The following CELF4 variants were observed in gnomAD, a reference collection of about 807,000 sequenced individuals.
CELF4 encodes the protein CUGBP Elav-like family member 4, also known as CUG-BP- and ETR-3-like factor 4.
Under a neutral mutation model 59.9 loss-of-function variants are expected in CELF4, and 18 were observed. The ratio of observed to expected loss-of-function variants is 0.30; its 90% CI spans 0.21 to 0.45. The LOEUF is 0.45. Ranked by LOEUF, CELF4 falls within the 20% of genes least tolerant of loss-of-function variation. The pLI, the probability that CELF4 is intolerant of heterozygous loss-of-function variation, is 1.00. For synonymous variants in CELF4, 261 were observed against 267.1 expected (o/e 0.98, Z 0.22); for missense variants, 456 against 689.0 (o/e 0.66, Z 3.79).
chr18:37,360,941 G>T (rs1425551751), intron 2 of CELF4, among the ~76,000 whole-genome samples: 2 of 152,208 alleles, frequency 1.3e-5, no homozygotes, highest in Non-Finnish European at 1.5e-5. Context: ...TTGTGGGGTT[G>T]TCAGGATCAA....
intron 2 of CELF4, among the ~76,000 whole-genome samples, chr18:37,329,435 C>T (rs576316594): frequency 1.7e-4 from 26 of 152,352 alleles, no homozygotes; most frequent in South Asian, 4.1e-4. Context: ...CAGTCCTAAC[C>T]CACAGTGGAC....
chr18:37,332,361 C>T (rs1294401113), intron 2 of CELF4, among the ~76,000 whole-genome samples: 2 of 152,132 alleles, frequency 1.3e-5, no homozygotes, highest in African/African-American at 4.8e-5. Flanking sequence ...CTGGTCCAGC[C>T]CCCTACAAAT....
chr18:37,256,129 G>A (rs1027675385), intron 11 of CELF4, among the ~76,000 whole-genome samples: 4 of 152,210 alleles, frequency 2.6e-5, no homozygotes, highest in Non-Finnish European at 4.4e-5. Context: ...TTCCAGGACC[G>A]TCTTCCTTCT....
intron 2 of CELF4, among the ~76,000 whole-genome samples, chr18:37,447,344 C>G (rs540187521): frequency 2.4e-4 from 37 of 152,330 alleles, no homozygotes; most frequent in African/African-American, 8.7e-4. Flanking sequence ...TGCATCCTCC[C>G]CATAGCCCTG....
intron 3 of CELF4, among the ~76,000 whole-genome samples, chr18:37,304,697 C>T (rs542997168): frequency 2.0e-5 from 3 of 152,216 alleles, no homozygotes; most frequent in Non-Finnish European, 4.4e-5. Flanking sequence ...GAGAACAGAA[C>T]CAGGCCTGGG....
At chr18:37,298,618 C>A (rs4494625) in intron 3 of CELF4, among the ~76,000 whole-genome samples, 20 of 151,696 alleles carry the variant, frequency 1.3e-4, no homozygotes, top group African/African-American at 4.6e-4. Flanking sequence ...CCAGCTACTC[C>A]GGAGGCTGAG....
At chr18:37,354,963 A>C (rs2098538819) in intron 2 of CELF4, among the ~76,000 whole-genome samples, 1 of 152,258 alleles carries the variant, frequency 6.6e-6, no homozygotes, top group Non-Finnish European at 1.5e-5. Context: ...GGTTTTCAGC[A>C]GCTCTTTCTC....
At chr18:37,497,394 C>T (rs551461045) in intron 1 of CELF4, among the ~76,000 whole-genome samples, 1 of 152,352 alleles carries the variant, frequency 6.6e-6, no homozygotes, top group South Asian at 2.1e-4. Context: ...TGGCTCAGGC[C>T]TGTAATCCCA....
At chr18:37,277,276 G>C (rs2093456689) in intron 3 of CELF4, among the ~76,000 whole-genome samples, 1 of 152,228 alleles carries the variant, frequency 6.6e-6, no homozygotes, top group African/African-American at 2.4e-5. Flanking sequence ...ACACCAGCTG[G>C]CCCTCCAACA....
At chr18:37,436,212 C>T (rs1449733438) in intron 2 of CELF4, among the ~76,000 whole-genome samples, 1 of 152,200 alleles carries the variant, frequency 6.6e-6, no homozygotes, top group Non-Finnish European at 1.5e-5. Context: ...AAGAGCGTGG[C>T]TCAACTCTCC....
Position 37,450,221 on chromosome 18 carries a change from A to G in CELF4, c.369+35304T>C, listed in dbSNP as rs77630142. Among the ~76,000 whole-genome samples, 1,426 of 152,054 alleles carry G rather than the reference A, an allele frequency of 9.4e-3. 8 individuals carry two copies. Among genetic ancestry groups the G allele is most frequent in the Middle Eastern group, 0.024 (7 of 294 alleles). ...GTATATTTTCGTATGTGTGTTATGT[A>G]TGTGTGTTATGTATGTGTGTATGCG... On this transcript the variant is annotated intron_variant, in intron 2 of 12. Coordinates refer to ENST00000420428, the MANE Select transcript of CELF4 (RefSeq NM_020180.4).
chr18:37,553,277 T>G (rs1298449471), intron 1 of CELF4, among the ~76,000 whole-genome samples: 1 of 152,176 alleles, frequency 6.6e-6, no homozygotes, highest in Non-Finnish European at 1.5e-5. Context: ...AAACTGGGCT[T>G]AAGTTGCTCT....
intron 3 of CELF4, among the ~76,000 whole-genome samples, chr18:37,286,120 G>A (rs868442437): frequency 6.2e-4 from 95 of 152,114 alleles, no homozygotes; most frequent in African/African-American, 2.0e-3. Context: ...TGCAGGGGAG[G>A]AGGAGGACAG....
intron 3 of CELF4, among the ~76,000 whole-genome samples, chr18:37,310,813 C>G (rs1000128567): frequency 6.6e-6 from 1 of 152,136 alleles, no homozygotes; most frequent in South Asian, 2.1e-4. Flanking sequence ...TGGAGGACAC[C>G]ACCTAGCCCT....
intron 3 of CELF4, among the ~76,000 whole-genome samples, chr18:37,287,036 G>A (rs1271355817): frequency 1.3e-5 from 2 of 152,166 alleles, no homozygotes; most frequent in Non-Finnish European, 2.9e-5. Flanking sequence ...TGAACAACAG[G>A]TGTCTTAGAT....
intron 10 of CELF4, among the ~76,000 whole-genome samples, chr18:37,262,776 T>C (rs1285394138): frequency 6.6e-6 from 1 of 152,130 alleles, no homozygotes; most frequent in African/African-American, 2.4e-5. Context: ...GTCTTACTGA[T>C]GAAGGCTTGG....
At chr18:37,427,570 C>A (rs1229603315) in intron 2 of CELF4, among the ~76,000 whole-genome samples, 1 of 152,172 alleles carries the variant, frequency 6.6e-6, no homozygotes, top group Non-Finnish European at 1.5e-5. Context: ...TCTGCAGGCT[C>A]CCCAGCCCTG....
intron 2 of CELF4, among the ~76,000 whole-genome samples, chr18:37,395,518 C>T (rs908037761): frequency 1.3e-5 from 2 of 152,202 alleles, no homozygotes; most frequent in Non-Finnish European, 2.9e-5. Flanking sequence ...TCCACTATAG[C>T]AGTTTGTCAT....
At chr18:37,294,252 T>C (rs183816306) in intron 3 of CELF4, among the ~76,000 whole-genome samples, 1 of 152,322 alleles carries the variant, frequency 6.6e-6, no homozygotes, top group Admixed American at 6.5e-5. Flanking sequence ...TTTCAGGTCA[T>C]CAGCACATTT....
Sources: gnomAD v4.1 joint callset for allele counts (sites outside exome capture counted in the v4.1 genomes callset) on GRCh38, gnomAD v4.1.1 for gene constraint, MANE v1.5 for transcripts, NCBI Gene and HGNC (gene_info 2026-07-23, HGNC 2026-07-21) for gene names.